The following GABRB2 variants were observed in gnomAD, a reference collection of about 807,000 sequenced individuals.
GABRB2 encodes the protein gamma-aminobutyric acid type A receptor subunit beta2.
GABRB2 carries 16 observed loss-of-function variants against 54.7 expected under a neutral mutation model. The observed-to-expected ratio is 0.29, with a 90% CI of 0.20 to 0.44. GABRB2 has a LOEUF of 0.44. Among genes scored for constraint, GABRB2 ranks in the 20% least tolerant of loss-of-function variants. GABRB2 has a pLI of 1.00. For missense variants in GABRB2, 355 were observed against 644.0 expected, an observed-to-expected ratio of 0.55 and a Z score of 4.86; for synonymous variants, 244 against 233.8, an observed-to-expected ratio of 1.04 and a Z score of -0.40.
At chr5:161,459,318 T>C in intron 4 of GABRB2, 1 of 348,856 alleles carries the variant, frequency 2.9e-6, no homozygotes, top group Non-Finnish European at 5.4e-6. Flanking sequence ...ACAATGTTTT[T>C]GTATTTTAAA....
At chr5:161,462,540 G>A (rs1758144470) in intron 3 of GABRB2, among the ~76,000 whole-genome samples, 1 of 152,148 alleles carries the variant, frequency 6.6e-6, no homozygotes, top group African/African-American at 2.4e-5. Flanking sequence ...AAGCCCTCTT[G>A]AGAGTTAGGA....
intron 5 of GABRB2, among the ~76,000 whole-genome samples, chr5:161,409,304 G>A (rs1269913752): frequency 6.6e-6 from 1 of 152,038 alleles, no homozygotes; most frequent in Non-Finnish European, 1.5e-5. Context: ...TATTAATATT[G>A]ACCTTATTTA....
intron 5 of GABRB2, among the ~76,000 whole-genome samples, chr5:161,405,864 A>C (rs1289553865): frequency 2.0e-5 from 3 of 152,088 alleles, no homozygotes; most frequent in Non-Finnish European, 4.4e-5. Context: ...AGGATGATTT[A>C]GAATAAAATT....
chr5:161,371,692 C>G (rs558120102), intron 5 of GABRB2, among the ~76,000 whole-genome samples: 10 of 152,112 alleles, frequency 6.6e-5, no homozygotes, highest in African/African-American at 2.4e-4. Flanking sequence ...CAAGGGAAAG[C>G]CAACTATATG....
intron 9 of GABRB2, among the ~76,000 whole-genome samples, chr5:161,299,482 A>T (rs1436877201): frequency 2.0e-5 from 3 of 152,146 alleles, no homozygotes; most frequent in Non-Finnish European, 4.4e-5. Flanking sequence ...CTGTAAGAGG[A>T]GATGCTAATT....
intron 3 of GABRB2, among the ~76,000 whole-genome samples, chr5:161,541,307 C>T (rs996517607): frequency 1.3e-5 from 2 of 151,864 alleles, no homozygotes; most frequent in African/African-American, 4.8e-5. Context: ...TAGCATCATT[C>T]TTAAGGGACC....
At chr5:161,341,037 T>A (rs972958667) in intron 5 of GABRB2, among the ~76,000 whole-genome samples, 2 of 152,010 alleles carry the variant, frequency 1.3e-5, no homozygotes, top group Admixed American at 6.6e-5. Context: ...AGATTGCAAA[T>A]GGAAAGCAAA....
chr5:161,390,749 C>G (rs189254838), intron 5 of GABRB2, among the ~76,000 whole-genome samples: 1 of 152,228 alleles, frequency 6.6e-6, no homozygotes, highest in African/African-American at 2.4e-5. Flanking sequence ...TATAAGTCCT[C>G]TGGCCTTTGT....
chr5:161,294,057 T>C lies in GABRB2; in HGVS notation c.*24A>G, dbSNP rs1413218958. ...ACTGGTTTGAGGAGGAATCTAGTCC[T>C]TGCTTCCAGTGGGAGGCCATGTTTT... On this transcript the variant is annotated 3_prime_UTR_variant, in exon 10 of 10. Transcript: ENST00000393959. The C allele has an allele frequency of 6.4e-7, 1 of 1,567,482 alleles. No homozygotes were observed. Among genetic ancestry groups the C allele is most frequent in the Non-Finnish European group, 8.8e-7 (1 of 1,142,628 alleles).
intron 9 of GABRB2, among the ~76,000 whole-genome samples, chr5:161,321,617 T>C (rs894898222): frequency 1.3e-5 from 2 of 152,168 alleles, no homozygotes; most frequent in African/African-American, 4.8e-5. Flanking sequence ...TAAAGTATCT[T>C]TCATTTGTCA....
At chr5:161,345,973 G>C (rs1754309750) in intron 5 of GABRB2, among the ~76,000 whole-genome samples, 1 of 152,062 alleles carries the variant, frequency 6.6e-6, no homozygotes, top group African/African-American at 2.4e-5. Context: ...ATAGTGATGA[G>C]CAGATGTCAT....
chr5:161,469,489 CTAT>C (rs1758373304), intron 3 of GABRB2, among the ~76,000 whole-genome samples: 2 of 145,716 alleles, frequency 1.4e-5, no homozygotes, highest in Non-Finnish European at 3.0e-5. Flanking sequence ...GAAATCACTA[CTAT>C]GTTTCCTCTT....
At chr5:161,299,321 G>C (rs1757470128) in intron 9 of GABRB2, among the ~76,000 whole-genome samples, 1 of 152,146 alleles carries the variant, frequency 6.6e-6, no homozygotes, top group Admixed American at 6.5e-5. Flanking sequence ...CACCATAATT[G>C]ACTCAGCGTT....
At chr5:161,445,100 G>A (rs4632837) in intron 4 of GABRB2, among the ~76,000 whole-genome samples, 135 of 152,206 alleles carry the variant, frequency 8.9e-4, no homozygotes, top group African/African-American at 2.9e-3. Flanking sequence ...GCTCTTGTAG[G>A]ATGTGCACTC....
At chr5:161,484,064 A>G (rs931808634) in intron 3 of GABRB2, among the ~76,000 whole-genome samples, 1 of 151,922 alleles carries the variant, frequency 6.6e-6, no homozygotes, top group Non-Finnish European at 1.5e-5. Flanking sequence ...AAAACAAAGA[A>G]AATGAAAAAA....
chr5:161,323,450 C>T (rs1411842173), intron 9 of GABRB2, among the ~76,000 whole-genome samples: 1 of 151,464 alleles, frequency 6.6e-6, no homozygotes, highest in African/African-American at 2.4e-5. Flanking sequence ...GATGCTTCAT[C>T]TTGATGGAGA....
At chr5:161,500,863 T>G (rs1759413313) in intron 3 of GABRB2, among the ~76,000 whole-genome samples, 2 of 152,168 alleles carry the variant, frequency 1.3e-5, no homozygotes, top group African/African-American at 2.4e-5. Flanking sequence ...CTTTAAGTTT[T>G]AGGGTACATG....
At chr5:161,464,030 C>T (rs576052852) in intron 3 of GABRB2, among the ~76,000 whole-genome samples, 6 of 152,008 alleles carry the variant, frequency 3.9e-5, no homozygotes, top group South Asian at 4.1e-4. Flanking sequence ...CTCTGACTTT[C>T]GCTTCAGCAA....
chr5:161,463,555 T>TTA (rs869302091), intron 3 of GABRB2, among the ~76,000 whole-genome samples: 34 of 23,664 alleles, frequency 1.4e-3, no homozygotes, highest in African/African-American at 5.0e-3. Context: ...ATATTTTTAT[T>TTA]TATATATATA....
Sources: allele counts gnomAD v4.1 joint callset (sites outside exome capture counted in the v4.1 genomes callset), GRCh38; gene constraint gnomAD v4.1.1; transcripts MANE v1.5; gene names NCBI Gene and HGNC (gene_info 2026-07-23, HGNC 2026-07-21).